TGFBR3: variants seen among roughly 807,000 people sequenced by gnomAD.
The protein encoded by TGFBR3 is transforming growth factor beta receptor 3, also known as transforming growth factor beta receptor type 3.
Under a neutral mutation model 87.9 loss-of-function variants are expected in TGFBR3, and 46 were observed. The ratio of observed to expected loss-of-function variants is 0.52; its 90% confidence interval spans 0.41 to 0.67. The LOEUF is 0.67. TGFBR3 is among the 30% of genes least tolerant of loss of function. TGFBR3 has a pLI of 0.00. For missense variants in TGFBR3, 866 were observed against 1,041.9 expected (o/e 0.83, Z 2.32); for synonymous variants, 381 against 391.6 (o/e 0.97, Z 0.32).
chr1:91,789,752 T>C (rs1303108615), intron 3 of TGFBR3, among the ~76,000 whole-genome samples: 1 of 152,216 alleles, frequency 6.6e-6, no homozygotes, highest in Non-Finnish European at 1.5e-5. Flanking sequence ...CATCCTTGAC[T>C]AGTGTGACCA....
At chr1:91,840,948 C>T (rs564926661) in intron 2 of TGFBR3, among the ~76,000 whole-genome samples, 6 of 152,190 alleles carry the variant, frequency 3.9e-5, no homozygotes, top group African/African-American at 1.4e-4. Context: ...GTAGCTGAGA[C>T]TACAGGTGCA....
intron 2 of TGFBR3, among the ~76,000 whole-genome samples, chr1:91,802,204 T>G: frequency 6.6e-6 from 1 of 152,108 alleles, no homozygotes; most frequent in Non-Finnish European, 1.5e-5. Flanking sequence ...CCACCAGCTG[T>G]TCCATCGCCG....
In TGFBR3 at chr1:91,861,592, T is replaced by G. The variant is rs368069428; in HGVS notation, c.-61A>C. The G allele has an allele frequency of 7.8e-4, 1,053 of 1,346,114 alleles. 1 individual carries two copies. The highest frequency in any genetic ancestry group is 1.1e-3 in the Non-Finnish European group (986 of 936,306). 83.4% of individuals were successfully genotyped at this position (1,346,114 alleles called of 1,614,324 possible). A position where few individuals can be genotyped will look rare whatever the true frequency, so the allele number is the denominator to read the frequency against. ...TTCAGCCTGCTCAGAGCACAGACAA[T>G]CTTTGCAAATCAGAAGTAGTCTTAA... On this transcript the variant is annotated 5_prime_UTR_variant, in exon 2 of 17. Transcript: ENST00000212355.
At chr1:91,685,819 C>T (rs901742140) in intron 16 of TGFBR3, among the ~76,000 whole-genome samples, 2 of 151,774 alleles carry the variant, frequency 1.3e-5, no homozygotes, top group Non-Finnish European at 2.9e-5. Flanking sequence ...ATTCTGAGGT[C>T]AAAACAAAAA....
At chr1:91,858,887 C>G (rs1440173303) in intron 2 of TGFBR3, among the ~76,000 whole-genome samples, 1 of 151,928 alleles carries the variant, frequency 6.6e-6, no homozygotes, top group East Asian at 1.9e-4. Context: ...AAAACCCCAT[C>G]TCTACCAAAA....
chr1:91,882,138 CT>C (rs533806602), intron 1 of TGFBR3, among the ~76,000 whole-genome samples: 34,740 of 129,376 alleles, frequency 0.27, 3,740 homozygotes, highest in Non-Finnish European at 0.29. Flanking sequence ...AATTGAAAAC[CT>C]TTTTTTTTTT....
chr1:91,780,780 A>G (rs1045277507), intron 3 of TGFBR3, among the ~76,000 whole-genome samples: 1 of 150,394 alleles, frequency 6.6e-6, no homozygotes, highest in African/African-American at 2.4e-5. Context: ...CTGGTCTCGA[A>G]CTCCTGACCT....
intron 3 of TGFBR3, among the ~76,000 whole-genome samples, chr1:91,787,942 G>A (rs1407244131): frequency 7.7e-6 from 1 of 129,252 alleles, no homozygotes; most frequent in Non-Finnish European, 1.6e-5. Flanking sequence ...TGTCTCACGG[G>A]GAAAAAAAAA....
rs565137933 is a variant in TGFBR3 at position 91,693,192 on chromosome 1, T to C, written c.2437+2480A>G. On this transcript the variant is annotated intron_variant, in intron 16 of 16. Transcript: ENST00000212355. ...TGATGCTGGTATTCCTCAAGAGCAA[T>C]CTATAAAATGAACCAGAGGCTACAG... 4.6e-5 allele frequency among the ~76,000 whole-genome samples: 7 copies of C among 152,298 alleles called. No individual in the cohort carries two copies. In the East Asian group the frequency reaches 1.2e-3, roughly 25 times the overall value.
At position 91,716,715 on chromosome 1, in the gene TGFBR3, G is replaced by C. The variant is rs776404372; in HGVS notation, c.1567-7C>G. 7 of 1,613,886 alleles carry C rather than the reference G, an allele frequency of 4.3e-6. No individual in the cohort carries two copies. In the African/African-American group the frequency reaches 9.3e-5, roughly 22 times the overall value. On this transcript the variant is annotated splice_polypyrimidine_tract_variant and splice_region_variant and intron_variant, in intron 10 of 16. Transcript: ENST00000212355. ...CTGGAACCTGTATCACAATCTAAAA[G>C]GCAAAGAAAGCACAGCCAATGTTAT...
Position 91,687,811 on chromosome 1 carries a change from A to C in TGFBR3, c.2438-3954T>G, listed in dbSNP as rs541146219. ...AGGGAATTTATGGAATCTCCTTCTC[A>C]GGAGATATTTAAGCACAGGATTGAA... On this transcript the variant is annotated intron_variant, in intron 16 of 16. Transcript: ENST00000212355. Among the ~76,000 whole-genome samples the C allele has an allele frequency of 4.2e-4, 64 of 152,330 alleles. No individual in the cohort carries two copies. The South Asian group carries it at 0.013, about 31-fold the overall frequency.
chr1:91,792,128 C>CA (rs1489646482), intron 3 of TGFBR3, among the ~76,000 whole-genome samples: 4 of 152,194 alleles, frequency 2.6e-5, no homozygotes, highest in Non-Finnish European at 5.9e-5. Context: ...CTGTGCCTGC[C>CA]AAAAAGCCTG....
At chr1:91,700,312 T>C (rs896740418) in intron 14 of TGFBR3, among the ~76,000 whole-genome samples, 2 of 152,204 alleles carry the variant, frequency 1.3e-5, no homozygotes, top group African/African-American at 2.4e-5. Context: ...TATGTCTGAA[T>C]TCACAGGGAA....
chr1:91,881,920 T>A (rs1679097757), intron 1 of TGFBR3, among the ~76,000 whole-genome samples: 1 of 151,588 alleles, frequency 6.6e-6, no homozygotes, highest in South Asian at 2.1e-4. Flanking sequence ...GCACCTGTGG[T>A]CCCCGCTACT....
At chr1:91,779,346 C>T (rs1462594935) in intron 3 of TGFBR3, among the ~76,000 whole-genome samples, 3 of 152,204 alleles carry the variant, frequency 2.0e-5, no homozygotes, top group Non-Finnish European at 2.9e-5. Context: ...GAAGTAGATA[C>T]TATGATTATG....
chr1:91,765,206 G>A (rs776729605), intron 3 of TGFBR3, among the ~76,000 whole-genome samples: 16 of 150,148 alleles, frequency 1.1e-4, no homozygotes, highest in Non-Finnish European at 2.2e-4. Flanking sequence ...AATTCCTCAG[G>A]TCATTCTTCA....
At chr1:91,764,433 G>A (rs1351456814) in intron 3 of TGFBR3, among the ~76,000 whole-genome samples, 2 of 151,974 alleles carry the variant, frequency 1.3e-5, no homozygotes, top group Non-Finnish European at 2.9e-5. Flanking sequence ...TTTGGGTTGG[G>A]GGTTGAGGGG....
chr1:91,825,255 G>C (rs1435731242), intron 2 of TGFBR3, among the ~76,000 whole-genome samples: 4 of 152,200 alleles, frequency 2.6e-5, no homozygotes, highest in Admixed American at 6.5e-5. Context: ...ATTAACTGAT[G>C]ATGAATTTTT....
chr1:91,798,510 T>C (rs1675475928), intron 2 of TGFBR3, among the ~76,000 whole-genome samples: 1 of 152,104 alleles, frequency 6.6e-6, no homozygotes, highest in African/African-American at 2.4e-5. Context: ...CCTGCTTCCT[T>C]TACCCAAATT....
Sources: gnomAD v4.1 joint callset for allele counts (sites outside exome capture counted in the v4.1 genomes callset) on GRCh38, gnomAD v4.1.1 for gene constraint, MANE v1.5 for transcripts, NCBI Gene and HGNC (gene_info 2026-07-23, HGNC 2026-07-21) for gene names.